NCOA6: variants seen among roughly 807,000 people sequenced by gnomAD.
NCOA6 encodes the protein NRC RAP250.
NCOA6 carries 49 observed loss-of-function variants against 171.4 expected under a neutral mutation model. The ratio of observed to expected loss-of-function variants is 0.29; its 90% CI spans 0.23 to 0.36. The LOEUF (loss-of-function observed/expected upper bound fraction) is 0.36, where lower values mean the gene tolerates loss of function less well. Ranked by LOEUF, NCOA6 falls within the 10% of genes least tolerant of loss-of-function variation. NCOA6 has a pLI of 1.00. For synonymous variants in NCOA6, 910 were observed against 927.5 expected (o/e 0.98, Z 0.34); for missense variants, 2,248 against 2,554.5 (o/e 0.88, Z 2.59).
At position 34,795,536 on chromosome 20, in the gene NCOA6, G is replaced by A. The variant is rs117492559; in HGVS notation, c.-163-2973C>T. On this transcript the variant is annotated intron_variant, in intron 1 of 14. Transcript: ENST00000359003. ...AATCACAAGAAAACGTAATCTGACA[G>A]AACTAGAATATGGAACTTGCTACAA... 2.5e-3 allele frequency among the ~76,000 whole-genome samples: 377 copies of A among 152,290 alleles called. 2 individuals carry two copies. The highest frequency in any genetic ancestry group is 3.6e-3 in the Non-Finnish European group (242 of 68,018).
intron 1 of NCOA6, among the ~76,000 whole-genome samples, chr20:34,803,894 A>AG (rs906270565): frequency 6.6e-6 from 1 of 151,914 alleles, no homozygotes; most frequent in Non-Finnish European, 1.5e-5. Flanking sequence ...ACCTACTAGG[A>AG]GGCTGAGGCA....
rs2077928438 is a variant in NCOA6, at chr20:34,792,716, G to A, written c.-163-153C>T. 3.3e-5 allele frequency among the ~76,000 whole-genome samples: 5 copies of A among 151,436 alleles called. 1 individual carries two copies. The South Asian group carries it at 1.0e-3, about 32-fold the overall frequency. On this transcript the variant is annotated intron_variant, in intron 1 of 14. Coordinates refer to ENST00000359003, the MANE Select transcript of NCOA6 (RefSeq NM_014071.5). ...ATCACAAGTTATCAAGTCAGCATTG[G>A]CATCTTTAGAGAATGTTAAAACAGG...
chr20:34,728,611 T>C (rs1210825054), intron 13 of NCOA6, among the ~76,000 whole-genome samples: 1 of 152,226 alleles, frequency 6.6e-6, no homozygotes, highest in South Asian at 2.1e-4. Context: ...GGTGTAACCC[T>C]TGACTCAGCA....
chr20:34,813,084 G>C (rs1272799076), intron 1 of NCOA6, among the ~76,000 whole-genome samples: 1 of 149,672 alleles, frequency 6.7e-6, no homozygotes, highest in East Asian at 2.0e-4. Context: ...GCTTGAACCC[G>C]GGAGGAGGAG....
At chr20:34,770,699 C>T (rs7344464) in intron 4 of NCOA6, among the ~76,000 whole-genome samples, 1 of 151,346 alleles carries the variant, frequency 6.6e-6, no homozygotes, top group African/African-American at 2.4e-5. Flanking sequence ...GGCGCGATCT[C>T]GGATCACTGT....
At chr20:34,805,483 A>G (rs1347147556) in intron 1 of NCOA6, among the ~76,000 whole-genome samples, 1 of 152,120 alleles carries the variant, frequency 6.6e-6, no homozygotes, top group African/African-American at 2.4e-5. Flanking sequence ...AAATGACAAG[A>G]TTTCATTCTT....
intron 13 of NCOA6, among the ~76,000 whole-genome samples, chr20:34,731,951 G>A (rs944781182): frequency 6.6e-6 from 1 of 152,206 alleles, no homozygotes; most frequent in Non-Finnish European, 1.5e-5. Flanking sequence ...AACCCCAGAG[G>A]TGGAGGTTGC....
chr20:34,814,373 C>T lies in NCOA6; in HGVS notation c.-164+11099G>A, dbSNP rs368514729. Among the ~76,000 whole-genome samples, 114 of 151,626 alleles carry T rather than the reference C, an allele frequency of 7.5e-4. No homozygotes were observed. The South Asian group carries it at 9.8e-3, about 13-fold the overall frequency. ...AAAAATTGTAAAATATAAATAAAAA[C>T]GAACTGAAAATCACCCAAATGCCAA... On this transcript the variant is annotated intron_variant, in intron 1 of 14. Transcript: ENST00000359003.
intron 3 of NCOA6, among the ~76,000 whole-genome samples, chr20:34,778,552 C>T (rs1482686964): frequency 6.6e-6 from 1 of 151,566 alleles, no homozygotes; most frequent in Non-Finnish European, 1.5e-5. Context: ...CTCAGCCTCC[C>T]GAGTAGCTGG....
At position 34,757,917 on chromosome 20, in the gene NCOA6, T is replaced by TTGCTGC. The variant is rs752981889; in HGVS notation, c.825_830dup (p.Gln284_Gln285dup). 40 of 1,612,890 alleles carry TTGCTGC rather than the reference T, an allele frequency of 2.5e-5. No homozygotes were observed. Among genetic ancestry groups the TTGCTGC allele is most frequent in the Admixed American group, 8.3e-5 (5 of 59,930 alleles). On this transcript the variant is annotated inframe_insertion, in exon 7 of 15. Coordinates refer to ENST00000359003, the MANE Select transcript of NCOA6 (RefSeq NM_014071.5). ...ACTGTTGTTGCTGCTGTTGCTGTTGTTGCTGCTGCTGCTGCTGCTGCTGCT... is the reference window on the plus strand; with the variant it reads ...ACTGTTGTTGCTGCTGTTGCTGTTGTTGCTGCTGCTGCTGCTGCTGCTGCTGCTGCT...
At position 34,738,075 on chromosome 20, in the gene NCOA6, A is replaced by T. The variant is rs531441619; in HGVS notation, c.5894-1317T>A. 7.9e-5 allele frequency among the ~76,000 whole-genome samples: 12 copies of T among 151,410 alleles called. No individual in the cohort carries two copies. The East Asian group carries it at 2.1e-3, about 27-fold the overall frequency. On this transcript the variant is annotated intron_variant, in intron 11 of 14. Transcript: ENST00000359003. The stretch of plus-strand genomic sequence containing the variant: ...CACCATGCCCAGCTAATTTTTACAT[A>T]TTTTTTTTGTAGAGACAGGGTTTCG...
chr20:34,774,758 C>T (rs566573409), intron 4 of NCOA6, among the ~76,000 whole-genome samples: 6 of 152,298 alleles, frequency 3.9e-5, no homozygotes, highest in East Asian at 3.9e-4. Flanking sequence ...TAGGTACTTA[C>T]ATCTCTCACA....
chr20:34,793,468 T>C (rs1272465309), intron 1 of NCOA6, among the ~76,000 whole-genome samples: 2 of 152,112 alleles, frequency 1.3e-5, no homozygotes, highest in African/African-American at 4.8e-5. Flanking sequence ...ATATAAAACT[T>C]ATGCATGGAA....
intron 1 of NCOA6, among the ~76,000 whole-genome samples, chr20:34,804,499 C>A (rs2078376490): frequency 8.1e-6 from 1 of 123,958 alleles, no homozygotes; most frequent in South Asian, 3.1e-4. Context: ...AGAGTGAGAC[C>A]CTGTCTCAAA....
chr20:34,769,227 G>A (rs1464064886), intron 4 of NCOA6, among the ~76,000 whole-genome samples: 2 of 152,136 alleles, frequency 1.3e-5, no homozygotes, highest in Non-Finnish European at 2.9e-5. Context: ...GTCTCACTTT[G>A]TCACCCAGGC....
intron 5 of NCOA6, among the ~76,000 whole-genome samples, chr20:34,759,408 T>C (rs184632481): frequency 7.7e-5 from 10 of 129,618 alleles, no homozygotes; most frequent in African/African-American, 2.8e-4. Context: ...CCTTCAGATA[T>C]ATATGTAGAT....
intron 3 of NCOA6, among the ~76,000 whole-genome samples, chr20:34,781,382 A>C (rs944981324): frequency 1.3e-5 from 2 of 152,238 alleles, no homozygotes; most frequent in African/African-American, 2.4e-5. Flanking sequence ...AAGGTTCAAA[A>C]CCACAAATGC....
intron 14 of NCOA6, among the ~76,000 whole-genome samples, chr20:34,725,379 A>G (rs1355254868): frequency 6.6e-6 from 1 of 152,214 alleles, no homozygotes; most frequent in East Asian, 1.9e-4. Flanking sequence ...CTGAGCTAAG[A>G]TAAGTAGGAA....
intron 10 of NCOA6, among the ~76,000 whole-genome samples, chr20:34,746,269 T>TG (rs948524479): frequency 3.3e-5 from 5 of 151,424 alleles, no homozygotes; most frequent in Non-Finnish European, 7.4e-5. Context: ...TTTTTTTTTT[T>TG]GAGACAGGGT....
Sources: gnomAD v4.1 joint callset for allele counts (sites outside exome capture counted in the v4.1 genomes callset) on GRCh38, gnomAD v4.1.1 for gene constraint, MANE v1.5 for transcripts, NCBI Gene and HGNC (gene_info 2026-07-23, HGNC 2026-07-21) for gene names.